SGTB: variants seen among roughly 807,000 people sequenced by gnomAD.
The protein encoded by SGTB is small glutamine-rich tetratricopeptide repeat-containing protein beta.
SGTB carries 19 observed loss-of-function variants against 43.9 expected under a neutral mutation model. The observed-to-expected ratio is 0.43, with a 90% confidence interval of 0.30 to 0.63. SGTB has a LOEUF of 0.63. Among genes scored for constraint, SGTB ranks in the 30% least tolerant of loss-of-function variants. The pLI is 0.12. For synonymous variants in SGTB, 116 were observed against 117.3 expected (o/e 0.99, Z 0.07); for missense variants, 304 against 358.9 (o/e 0.85, Z 1.24).
intron 5 of SGTB, among the ~76,000 whole-genome samples, chr5:65,687,597 G>A (rs1229046484): frequency 1.3e-5 from 2 of 152,194 alleles, no homozygotes. Flanking sequence ...GAAAGCTCTT[G>A]TCGACAGGTG....
rs1312320930 is a variant in SGTB at position 65,671,941 on chromosome 5, T to A, written c.777A>T (p.Leu259=). ...CTTGGATGAGGCTTGACAGGTCAGT[T>A]AGGCCCCCAACTCCAGCAGCAGGTC... ...IGGPAAGVGG[L]TDLSSLIQAG... Residue 259 remains leucine, a synonymous_variant, in exon 10 of 11, where the codon CTA becomes CTT. Coordinates refer to ENST00000381007, the MANE Select transcript of SGTB (RefSeq NM_019072.3). 6.2e-7 allele frequency: 1 copy of A among 1,613,990 alleles called. No homozygotes were observed. Among genetic ancestry groups the A allele is most frequent in the Admixed American group, 1.7e-5 (1 of 59,998 alleles).
At position 65,677,195 on chromosome 5, in the gene SGTB, G is replaced by A. The variant is rs116098845; in HGVS notation, c.681+3299C>T. ...AAGAATAGTATAAACAGTCCTATGC[G>A]CATAAACTAGAAATTTTACTAATGA... On this transcript the variant is annotated intron_variant, in intron 8 of 10. Transcript: ENST00000381007. 6.0e-3 allele frequency among the ~76,000 whole-genome samples: 908 copies of A among 151,834 alleles called. 2 individuals carry two copies. Among genetic ancestry groups the A allele is most frequent in the Middle Eastern group, 0.024 (7 of 294 alleles).
At chr5:65,709,416 T>C (rs534649499) in intron 3 of SGTB, among the ~76,000 whole-genome samples, 76 of 151,810 alleles carry the variant, frequency 5.0e-4, no homozygotes, top group Non-Finnish European at 9.0e-4. Flanking sequence ...GTCTCGCTCT[T>C]TTGCCAGGCT....
At chr5:65,697,605 C>T (rs1479221444) in intron 5 of SGTB, among the ~76,000 whole-genome samples, 1 of 152,104 alleles carries the variant, frequency 6.6e-6, no homozygotes, top group Non-Finnish European at 1.5e-5. Flanking sequence ...CAAACCACAG[C>T]TAAGAGGATT....
At chr5:65,715,914 C>T (rs188769508) in intron 2 of SGTB, among the ~76,000 whole-genome samples, 21 of 152,284 alleles carry the variant, frequency 1.4e-4, no homozygotes, top group East Asian at 9.7e-4. Flanking sequence ...GGATTACAGA[C>T]GTGTGCCACC....
chr5:65,702,053 T>C (rs372497604), intron 5 of SGTB, among the ~76,000 whole-genome samples: 99 of 152,308 alleles, frequency 6.5e-4, no homozygotes, highest in African/African-American at 2.4e-3. Context: ...AGTACAGATA[T>C]AGAACATTTC....
At chr5:65,695,930 G>A (rs182963999) in intron 5 of SGTB, among the ~76,000 whole-genome samples, 190 of 152,286 alleles carry the variant, frequency 1.2e-3, no homozygotes, top group African/African-American at 4.5e-3. Context: ...AACTGCCCAA[G>A]GTCATGTAGC....
At chr5:65,720,947 A>T (rs968412825) in intron 1 of SGTB, 118 bp from the exon 2 acceptor site, 3 of 1,011,996 alleles carry the variant, frequency 3.0e-6, no homozygotes, top group East Asian at 5.5e-5. Flanking sequence ...ACAAAACACA[A>T]AACTGTATGA....
intron 6 of SGTB, among the ~76,000 whole-genome samples, chr5:65,681,949 T>C (rs1002844453): frequency 6.7e-6 from 1 of 150,124 alleles, no homozygotes; most frequent in African/African-American, 2.4e-5. Flanking sequence ...CACTCCAGCC[T>C]GGAAAACAAG....
At chr5:65,689,378 A>G (rs1305560193) in intron 5 of SGTB, among the ~76,000 whole-genome samples, 2 of 152,140 alleles carry the variant, frequency 1.3e-5, no homozygotes, top group African/African-American at 4.8e-5. Context: ...ACATCTACCA[A>G]AAAAACTCTT....
At chr5:65,671,247 TTATATA>T (rs915289135) in intron 10 of SGTB, among the ~76,000 whole-genome samples, 2 of 152,034 alleles carry the variant, frequency 1.3e-5, no homozygotes, top group Non-Finnish European at 2.9e-5. Flanking sequence ...ATTAATAGCT[TTATATA>T]TATATGAGAT....
chr5:65,717,177 A>G (rs926203017), intron 2 of SGTB, among the ~76,000 whole-genome samples: 1 of 152,188 alleles, frequency 6.6e-6, no homozygotes, highest in African/African-American at 2.4e-5. Context: ...AGTGGTATAG[A>G]TTGAGAGATT....
At chr5:65,707,536 G>A (rs1193438629) in intron 4 of SGTB, among the ~76,000 whole-genome samples, 1 of 151,236 alleles carries the variant, frequency 6.6e-6, no homozygotes, top group Non-Finnish European at 1.5e-5. Context: ...CCGGGTTCAA[G>A]CAATTCTCCT....
chr5:65,678,386 T>C (rs997264417), intron 8 of SGTB, among the ~76,000 whole-genome samples: 11 of 152,150 alleles, frequency 7.2e-5, no homozygotes, highest in Non-Finnish European at 1.2e-4. Context: ...TGCTCATGGA[T>C]AGAAGAATCA....
chr5:65,672,245 G>A lies in SGTB; in HGVS notation c.718C>T (p.Leu240=). 6.2e-6 allele frequency: 10 copies of A among 1,614,046 alleles called. No individual in the cohort carries two copies. The highest frequency in any genetic ancestry group is 8.5e-6 in the Non-Finnish European group (10 of 1,179,984). Residue 240 remains leucine, a splice_region_variant and synonymous_variant, in exon 9 of 11, where the codon CTA becomes TTA. Coordinates refer to ENST00000381007, the MANE Select transcript of SGTB (RefSeq NM_019072.3). Reference sequence around the variant, plus strand: ...AATAAGCTCTTTCTATATACTTACAGCTGTTGAACTTGAGGGTTCTGCATT... The same window carrying A: ...AATAAGCTCTTTCTATATACTTACAACTGTTGAACTTGAGGGTTCTGCATT... ...SLMQNPQVQQ[L]MSGMMTNAIG...
In SGTB at chr5:65,722,082, C is replaced by G. The variant is rs189429786; in HGVS notation, c.-188G>C. Reference sequence around the variant, plus strand: ...GCCGTAGACCCCAGAACCCACCAGGCTGTGCTCTCTCTCAGGCGGCAGGGT... The same window carrying G: ...GCCGTAGACCCCAGAACCCACCAGGGTGTGCTCTCTCTCAGGCGGCAGGGT... On this transcript the variant is annotated 5_prime_UTR_variant, in exon 1 of 11. Coordinates refer to ENST00000381007, the MANE Select transcript of SGTB (RefSeq NM_019072.3). 1.2e-5 allele frequency: 2 copies of G among 166,116 alleles called. No individual in the cohort carries two copies. The highest frequency in any genetic ancestry group is 4.8e-5 in the African/African-American group (2 of 41,762). The allele number at this position is 166,116 out of a possible 1,614,324, so 10.3% of individuals were successfully genotyped here.
At chr5:65,722,528 G>A (rs1222371427), upstream of SGTB, 1 of 970,502 alleles carries the variant, frequency 1.0e-6, no homozygotes, top group Non-Finnish European at 1.5e-6. Context: ...ACGCTCCCGG[G>A]ACGCACCCTC....
At chr5:65,722,741 A>G, upstream of SGTB, 2 of 356,166 alleles carry the variant, frequency 5.6e-6, no homozygotes, top group East Asian at 6.2e-5. Context: ...TTCAATCCCA[A>G]TGCAGAACTA....
intron 5 of SGTB, among the ~76,000 whole-genome samples, chr5:65,695,271 A>G (rs981417490): frequency 1.3e-5 from 2 of 152,232 alleles, no homozygotes; most frequent in African/African-American, 4.8e-5. Context: ...TGACAATAAG[A>G]TAAGAAATAA....
Sources: gnomAD v4.1 joint callset for allele counts (sites outside exome capture counted in the v4.1 genomes callset) on GRCh38, gnomAD v4.1.1 for gene constraint, MANE v1.5 for transcripts, NCBI Gene and HGNC (gene_info 2026-07-23, HGNC 2026-07-21) for gene names.